PARPBP: variants seen among roughly 807,000 people sequenced by gnomAD.
PARPBP encodes PCNA-interacting partner.
PARPBP carries 52 observed loss-of-function variants against 50.0 expected under a neutral mutation model. The observed-to-expected ratio is 1.04, with a 90% CI of 0.83 to 1.31. The LOEUF is 1.31. PARPBP is among the 50% of genes most tolerant of loss of function. The pLI, the probability that PARPBP is intolerant of heterozygous loss-of-function variation, is 0.00. For synonymous variants in PARPBP, 244 were observed against 232.1 expected, an observed-to-expected ratio of 1.05 and a Z score of -0.47; for missense variants, 697 against 672.0, an observed-to-expected ratio of 1.04 and a Z score of -0.41.
chr12:102,174,362 C>T (rs1435852581), intron 6 of PARPBP, among the ~76,000 whole-genome samples: 1 of 152,158 alleles, frequency 6.6e-6, no homozygotes, highest in Non-Finnish European at 1.5e-5. Flanking sequence ...TTCTAACTTT[C>T]CTCTTCTATC....
intron 2 of PARPBP, among the ~76,000 whole-genome samples, chr12:102,132,161 C>T (rs1248213816): frequency 1.3e-5 from 2 of 151,456 alleles, no homozygotes; most frequent in African/African-American, 4.9e-5. Flanking sequence ...GCTGAAGTCA[C>T]GCCATTGCGT....
intron 4 of PARPBP, among the ~76,000 whole-genome samples, chr12:102,157,307 AT>A (rs1887058604): frequency 6.6e-6 from 1 of 152,358 alleles, no homozygotes; most frequent in East Asian, 1.9e-4. Flanking sequence ...AAGTAATGGC[AT>A]AACCGCAATA....
intron 2 of PARPBP, among the ~76,000 whole-genome samples, chr12:102,141,742 T>C (rs1190276413): frequency 1.3e-5 from 2 of 152,240 alleles, no homozygotes; most frequent in Non-Finnish European, 2.9e-5. Flanking sequence ...CCTTCACTTA[T>C]GAAGCTTAGT....
intron 3 of PARPBP, chr12:102,152,078 T>G (rs1886276866): frequency 2.7e-6 from 1 of 367,498 alleles, no homozygotes; most frequent in Non-Finnish European, 5.0e-6. Flanking sequence ...AGAATGCTTT[T>G]ATTTCCAACT....
chr12:102,148,029 A>T (rs1371175444), intron 2 of PARPBP, among the ~76,000 whole-genome samples: 4 of 152,168 alleles, frequency 2.6e-5, no homozygotes, highest in Middle Eastern at 6.3e-3. Context: ...TTCATATTTT[A>T]TAAAATCATG....
intron 4 of PARPBP, among the ~76,000 whole-genome samples, chr12:102,163,848 C>A (rs1053215445): frequency 6.6e-6 from 1 of 152,130 alleles, no homozygotes; most frequent in Admixed American, 6.6e-5. Context: ...ATTCATTGAA[C>A]ATATTTCCTG....
At chr12:102,126,469 C>G (rs542265099) in intron 2 of PARPBP, among the ~76,000 whole-genome samples, 2 of 152,176 alleles carry the variant, frequency 1.3e-5, no homozygotes, top group East Asian at 1.9e-4. Context: ...CCATATTGCA[C>G]TGTTGGTGTG....
rs1003267666 is a variant in PARPBP, at chr12:102,126,225, C to T, written c.153+2184C>T. On this transcript the variant is annotated intron_variant, in intron 2 of 10. Transcript: ENST00000327680. The stretch of plus-strand genomic sequence containing the variant: ...ACTCTCCTTTGTCTTTCAAAATTTG[C>T]GCTCAGGGTTTATAAAAACTAGGTT... 5.3e-5 allele frequency among the ~76,000 whole-genome samples: 8 copies of T among 152,088 alleles called. No homozygotes were observed. The South Asian group carries it at 8.3e-4, about 16-fold the overall frequency.
intron 2 of PARPBP, among the ~76,000 whole-genome samples, chr12:102,133,150 C>T (rs1883118675): frequency 6.6e-6 from 1 of 151,956 alleles, no homozygotes; most frequent in South Asian, 2.1e-4. Context: ...TTTTTCTTAC[C>T]TAACCACTCT....
intron 2 of PARPBP, among the ~76,000 whole-genome samples, chr12:102,134,759 C>T (rs1452125108): frequency 2.6e-5 from 4 of 152,130 alleles, no homozygotes; most frequent in Non-Finnish European, 5.9e-5. Flanking sequence ...TTCACTGCAA[C>T]CTCGACCTCC....
At chr12:102,156,175 C>CTTTTTT (rs1565879054) in intron 4 of PARPBP, among the ~76,000 whole-genome samples, 1 of 90,196 alleles carries the variant, frequency 1.1e-5, no homozygotes, top group Non-Finnish European at 2.2e-5. Flanking sequence ...AATTAACCTT[C>CTTTTTT]CTTTTTTTTT....
chr12:102,167,908 A>C (rs1337484936), intron 6 of PARPBP, among the ~76,000 whole-genome samples: 1 of 152,132 alleles, frequency 6.6e-6, no homozygotes, highest in Non-Finnish European at 1.5e-5. Context: ...GAGACTGTCA[A>C]CTAGCTTTTC....
chr12:102,150,598 A>G (rs1011969953), intron 3 of PARPBP, among the ~76,000 whole-genome samples: 3 of 152,212 alleles, frequency 2.0e-5, no homozygotes, highest in African/African-American at 7.2e-5. Context: ...AAATGGATTC[A>G]GGGCCCATGG....
chr12:102,176,878 C>T (rs114115931), intron 7 of PARPBP, among the ~76,000 whole-genome samples: 2 of 152,162 alleles, frequency 1.3e-5, no homozygotes, highest in Non-Finnish European at 2.9e-5. Context: ...GGTGTTAACA[C>T]TTCCTGGTGA....
intron 2 of PARPBP, among the ~76,000 whole-genome samples, chr12:102,136,677 G>A (rs1406680900): frequency 1.3e-5 from 2 of 152,154 alleles, no homozygotes; most frequent in Admixed American, 6.5e-5. Context: ...CACAGTTCTT[G>A]TATGTGTGTG....
At chr12:102,164,210 T>C (rs535099400) in intron 4 of PARPBP, among the ~76,000 whole-genome samples, 113 of 152,280 alleles carry the variant, frequency 7.4e-4, no homozygotes, top group African/African-American at 2.5e-3. Context: ...TAGCTGGATT[T>C]TTGTAGGTCT....
chr12:102,167,946 A>G (rs554975573), intron 6 of PARPBP, among the ~76,000 whole-genome samples: 1 of 152,282 alleles, frequency 6.6e-6, no homozygotes, highest in Admixed American at 6.5e-5. Context: ...TTACATAGCC[A>G]TCAGTATTGC....
Position 102,148,309 on chromosome 12 carries a change from C to T in PARPBP, c.233C>T (p.Pro78Leu). Residue 78 changes from proline (P) to leucine (L), a missense_variant, in exon 3 of 11, where the codon CCA becomes CTA. Physicochemically the swap from Pro to Leu is moderately conservative, Grantham distance 98 (BLOSUM62 -3). Transcript: ENST00000327680. ...KYLLHEKLNL[P>L]VENMDVTDHY... ...TTGCTCCATGAGAAATTGAACTTAC[C>T]AGTTGAAAACATGGACGTGACTGAC... The T allele has an allele frequency of 1.2e-6, 2 of 1,606,010 alleles. No homozygotes were observed. The highest frequency in any genetic ancestry group is 8.5e-7 in the Non-Finnish European group (1 of 1,173,542).
intron 3 of PARPBP, among the ~76,000 whole-genome samples, chr12:102,153,387 C>G (rs1302717522): frequency 6.6e-6 from 1 of 152,182 alleles, no homozygotes; most frequent in Non-Finnish European, 1.5e-5. Flanking sequence ...ACTCTGGCGC[C>G]CAGGTTGGAG....
Sources: gnomAD v4.1 joint callset for allele counts (sites outside exome capture counted in the v4.1 genomes callset) on GRCh38, gnomAD v4.1.1 for gene constraint, MANE v1.5 for transcripts, NCBI Gene and HGNC (gene_info 2026-07-23, HGNC 2026-07-21) for gene names.